MDM1: variants seen among roughly 807,000 people sequenced by gnomAD.
MDM1 encodes Mdm1 nuclear protein.
MDM1 carries 61 observed loss-of-function variants against 89.1 expected under a neutral mutation model. That is an observed-to-expected ratio of 0.68 (90% CI 0.56 to 0.85). The LOEUF (loss-of-function observed/expected upper bound fraction) is 0.85. Ranked by LOEUF, MDM1 falls within the 40% of genes least tolerant of loss-of-function variation. The probability of loss-of-function intolerance (pLI) is 0.00; values close to 1 mark genes in which losing one functional copy is unlikely to be tolerated. For missense variants in MDM1, 820 were observed against 846.5 expected, an observed-to-expected ratio of 0.97 and a Z score of 0.39; for synonymous variants, 290 against 294.1, an observed-to-expected ratio of 0.99 and a Z score of 0.14.
intron 10 of MDM1, among the ~76,000 whole-genome samples, chr12:68,314,430 C>T (rs1874179953): frequency 6.6e-6 from 1 of 152,082 alleles, no homozygotes; most frequent in South Asian, 2.1e-4. Flanking sequence ...GGCTCAAGTT[C>T]CATAACATCC....
intron 3 of MDM1, chr12:68,326,269 C>G (rs1875960430): frequency 1.7e-6 from 2 of 1,205,728 alleles, no homozygotes; most frequent in Non-Finnish European, 2.1e-6. Flanking sequence ...TGTTTGTCTT[C>G]TTGTACACGA....
intron 2 of MDM1, among the ~76,000 whole-genome samples, chr12:68,329,410 C>T (rs1876473016): frequency 6.6e-6 from 1 of 152,172 alleles, no homozygotes; most frequent in Non-Finnish European, 1.5e-5. Context: ...CTTTTCCTGG[C>T]TTCAAACATC....
chr12:68,327,746 C>T (rs907312826), intron 2 of MDM1, among the ~76,000 whole-genome samples: 13 of 152,130 alleles, frequency 8.5e-5, no homozygotes, highest in Admixed American at 1.3e-4. Context: ...GAAAATTGGG[C>T]ATGAGGTAAA....
chr12:68,313,101 G>A (rs1004791011), intron 12 of MDM1, among the ~76,000 whole-genome samples: 9 of 152,152 alleles, frequency 5.9e-5, no homozygotes, highest in African/African-American at 2.2e-4. Context: ...TGATGGCTAT[G>A]ATTTTTGTCT....
Position 68,331,228 on chromosome 12 carries a change from TG to T in MDM1, c.19-8del. ...TCTGGTATTCACTCAGCCCCTGTAA[TG>T]CAAAGTACACTTTTGAGTACAGTCC... On this transcript the variant is annotated splice_region_variant and splice_polypyrimidine_tract_variant and intron_variant, in intron 1 of 14. Coordinates refer to ENST00000682720, the MANE Select transcript of MDM1 (RefSeq NM_001354969.2). The T allele has an allele frequency of 6.9e-7, 1 of 1,442,996 alleles. No homozygotes were observed. Among genetic ancestry groups the T allele is most frequent in the Non-Finnish European group, 9.8e-7 (1 of 1,023,976 alleles). 89.4% of individuals were successfully genotyped at this position (1,442,996 alleles called of 1,614,324 possible).
chr12:68,326,420 A>G, intron 3 of MDM1: 1 of 1,451,150 alleles, frequency 6.9e-7, no homozygotes, highest in Non-Finnish European at 9.0e-7. Flanking sequence ...CAGACGCAGG[A>G]GGTCCATCCA....
At chr12:68,300,170 C>T (rs1421984259) in intron 13 of MDM1, among the ~76,000 whole-genome samples, 1 of 152,134 alleles carries the variant, frequency 6.6e-6, no homozygotes, top group Admixed American at 6.6e-5. Flanking sequence ...ACCAGCACTA[C>T]AAGAAATGCT....
At chr12:68,313,802 A>G in intron 10 of MDM1, 49 bp from the exon 11 acceptor site, 1 of 1,410,872 alleles carries the variant, frequency 7.1e-7, no homozygotes, top group African/African-American at 1.4e-5. Context: ...CCTCGAGAAA[A>G]TATGATAAAA....
At chr12:68,317,084 CA>C (rs1298556934) in intron 7 of MDM1, among the ~76,000 whole-genome samples, 1 of 151,544 alleles carries the variant, frequency 6.6e-6, no homozygotes, top group Non-Finnish European at 1.5e-5. Context: ...AATAATAGCC[CA>C]TAAAATCATA....
chr12:68,331,938 C>T, intron 1 of MDM1: 1 of 677,724 alleles, frequency 1.5e-6, no homozygotes, highest in Non-Finnish European at 2.7e-6. Flanking sequence ...TAGTTCTCTT[C>T]GCAAAGGGAC....
chr12:68,313,609 G>C (rs1874010159), intron 11 of MDM1, 35 bp downstream of exon 11: 1 of 1,606,542 alleles, frequency 6.2e-7, no homozygotes, highest in Non-Finnish European at 8.5e-7. Context: ...AGAAAAAGCA[G>C]GTTAAATAAG....
chr12:68,318,345 G>A (rs1184285338), intron 7 of MDM1, among the ~76,000 whole-genome samples: 5 of 152,110 alleles, frequency 3.3e-5, no homozygotes, highest in Admixed American at 2.6e-4. Flanking sequence ...AAGGATGGAT[G>A]AATACCCTCC....
chr12:68,331,266 G>C, intron 1 of MDM1, 45 bp from the exon 2 acceptor site: 1 of 1,061,926 alleles, frequency 9.4e-7, no homozygotes, highest in Non-Finnish European at 1.5e-6. Context: ...ATTAATGAAT[G>C]ATGTTTTAAA....
At chr12:68,312,434 T>C (rs1013687464) in intron 12 of MDM1, among the ~76,000 whole-genome samples, 4 of 152,212 alleles carry the variant, frequency 2.6e-5, no homozygotes, top group Non-Finnish European at 4.4e-5. Context: ...TCAGCAAATC[T>C]TGTTGGCTGT....
chr12:68,329,244 C>G (rs976984703), intron 2 of MDM1, among the ~76,000 whole-genome samples: 2 of 152,186 alleles, frequency 1.3e-5, no homozygotes, highest in African/African-American at 4.8e-5. Flanking sequence ...GACACCCAGT[C>G]TCTGAAGTTT....
rs754051104 is a variant in MDM1, at chr12:68,321,512, T to C, written c.905+13A>G. On this transcript the variant is annotated intron_variant, in intron 6 of 14. Coordinates refer to ENST00000682720, the MANE Select transcript of MDM1 (RefSeq NM_001354969.2). ...ATCATTGAAATACCATATTTTCCTATTAAAATACATACCCAAGCCTTTGAT... is the reference window on the plus strand; with the variant it reads ...ATCATTGAAATACCATATTTTCCTACTAAAATACATACCCAAGCCTTTGAT... 3.1e-6 allele frequency: 5 copies of C among 1,610,382 alleles called. No individual in the cohort carries two copies. Among genetic ancestry groups the C allele is most frequent in the Non-Finnish European group, 4.2e-6 (5 of 1,177,532 alleles).
intron 7 of MDM1, among the ~76,000 whole-genome samples, chr12:68,319,871 C>T (rs945760009): frequency 6.6e-6 from 1 of 152,322 alleles, no homozygotes; most frequent in South Asian, 2.1e-4. Context: ...TCCATCAAGG[C>T]AGGATAAGGA....
chr12:68,315,043 C>T lies in MDM1; in HGVS notation c.1434G>A (p.Glu478=). The T allele has an allele frequency of 6.2e-7, 1 of 1,614,144 alleles. No individual in the cohort carries two copies. Among genetic ancestry groups the T allele is most frequent in the Non-Finnish European group, 8.5e-7 (1 of 1,180,032 alleles). ...GCTTGCCCGTTTTCCTGTCCCCTTCCTCTTCATTGTCGTCCTCCTCCTCTT... is the reference window on the plus strand; with the variant it reads ...GCTTGCCCGTTTTCCTGTCCCCTTCTTCTTCATTGTCGTCCTCCTCCTCTT... ...GEKEEEDDNE[E]EGDRKTGKQA... is the part of the protein sequence containing the mutation. Residue 478 remains glutamate (E), a synonymous_variant, in exon 10 of 15, where the codon GAG becomes GAA. Coordinates refer to ENST00000682720, the MANE Select transcript of MDM1 (RefSeq NM_001354969.2).
Position 68,326,162 on chromosome 12 carries a change from TGCTGCAGGCCA to T in MDM1, c.498+484_498+494del. 5.8e-6 allele frequency: 6 copies of T among 1,037,446 alleles called. No individual in the cohort carries two copies. In the South Asian group the frequency reaches 2.3e-4, roughly 39 times the overall value. 64.3% of individuals were successfully genotyped at this position (1,037,446 alleles called of 1,614,324 possible). ...CTCTGCTTATGTGCTCACAGGGACCTGCTGCAGGCCAGCTGTGACATAAGAGAGCAGAAATG... is the reference window on the plus strand; with the variant it reads ...CTCTGCTTATGTGCTCACAGGGACCTGCTGTGACATAAGAGAGCAGAAATG... On this transcript the variant is annotated intron_variant, in intron 3 of 14. Coordinates refer to ENST00000682720, the MANE Select transcript of MDM1 (RefSeq NM_001354969.2).
Sources: gnomAD v4.1 joint callset for allele counts (sites outside exome capture counted in the v4.1 genomes callset) on GRCh38, gnomAD v4.1.1 for gene constraint, MANE v1.5 for transcripts, NCBI Gene and HGNC (gene_info 2026-07-23, HGNC 2026-07-21) for gene names.